Variants in UNC79 observed in about 807,000 individuals in gnomAD.
UNC79 encodes the protein unc-79 subunit of NALCN channel complex, also known as protein unc-79 homolog.
A neutral mutation model predicts 283.1 loss-of-function variants in UNC79; 37 were observed. The observed-to-expected ratio is 0.13, with a 90% CI of 0.10 to 0.17. The LOEUF (loss-of-function observed/expected upper bound fraction) is 0.17. UNC79 is among the 10% of genes least tolerant of loss of function. UNC79 has a pLI of 1.00. For synonymous variants in UNC79, 1,107 were observed against 1,200.2 expected, an observed-to-expected ratio of 0.92 and a Z score of 1.61; for missense variants, 2,272 against 3,211.1, an observed-to-expected ratio of 0.71 and a Z score of 7.07.
intron 7 of UNC79, among the ~76,000 whole-genome samples, chr14:93,497,507 C>G (rs1432594120): frequency 6.6e-6 from 1 of 152,188 alleles, no homozygotes; most frequent in Non-Finnish European, 1.5e-5. Flanking sequence ...AAGTCTCAGT[C>G]CCATTTGCTG....
intron 47 of UNC79, among the ~76,000 whole-genome samples, chr14:93,696,645 C>T (rs929038564): frequency 6.6e-6 from 1 of 151,916 alleles, no homozygotes; most frequent in African/African-American, 2.4e-5. Flanking sequence ...AAATTATTTG[C>T]CCATTTTTTA....
chr14:93,659,059 C>A, intron 38 of UNC79, 134 bp from the exon 42 acceptor site: 1 of 618,030 alleles, frequency 1.6e-6, no homozygotes, highest in Non-Finnish European at 2.7e-6. Flanking sequence ...GATATTATGG[C>A]ATGGGAATCT....
intron 14 of UNC79, among the ~76,000 whole-genome samples, chr14:93,548,698 C>A (rs1001253454): frequency 2.0e-5 from 3 of 152,166 alleles, no homozygotes; most frequent in African/African-American, 7.2e-5. Context: ...CTTTCCTCTT[C>A]CTCATTCAGG....
At chr14:93,503,770 T>A (rs2059407150) in intron 7 of UNC79, among the ~76,000 whole-genome samples, 1 of 150,768 alleles carries the variant, frequency 6.6e-6, no homozygotes, top group Non-Finnish European at 1.5e-5. Flanking sequence ...TAATGTCTTA[T>A]CATTAAATAA....
At chr14:93,373,666 T>C (rs532800409) in intron 1 of UNC79, among the ~76,000 whole-genome samples, 2 of 152,336 alleles carry the variant, frequency 1.3e-5, no homozygotes, top group East Asian at 3.9e-4. Flanking sequence ...AGGTGAATTC[T>C]ACCAAACATT....
chr14:93,539,583 A>G (rs1283474392), intron 12 of UNC79, among the ~76,000 whole-genome samples: 1 of 152,100 alleles, frequency 6.6e-6, no homozygotes, highest in African/African-American at 2.4e-5. Flanking sequence ...ATAGAGGCCA[A>G]GTCTTTTCTG....
At chr14:93,468,300 A>G (rs949867188) in intron 2 of UNC79, among the ~76,000 whole-genome samples, 2 of 152,240 alleles carry the variant, frequency 1.3e-5, no homozygotes, top group African/African-American at 4.8e-5. Context: ...AGGAAAAAAA[A>G]TAGGGCTCTT....
At chr14:93,662,323 G>A (rs1165715959) in intron 39 of UNC79, among the ~76,000 whole-genome samples, 5 of 152,272 alleles carry the variant, frequency 3.3e-5, no homozygotes, top group East Asian at 1.9e-4. Context: ...GGGTGGACAC[G>A]AAGACAGGGT....
chr14:93,596,442 C>G (rs1282283652), intron 23 of UNC79, among the ~76,000 whole-genome samples: 1 of 152,164 alleles, frequency 6.6e-6, no homozygotes, highest in African/African-American at 2.4e-5. Context: ...CGAGACCAGC[C>G]TGGCCAACAT....
chr14:93,563,703 A>G (rs1367899940), intron 14 of UNC79, among the ~76,000 whole-genome samples: 1 of 152,152 alleles, frequency 6.6e-6, no homozygotes, highest in African/African-American at 2.4e-5. Context: ...GGAACAGGAA[A>G]GAAGGAAATA....
At chr14:93,594,966 A>G (rs550129374) in intron 23 of UNC79, among the ~76,000 whole-genome samples, 1 of 152,242 alleles carries the variant, frequency 6.6e-6, no homozygotes, top group East Asian at 1.9e-4. Flanking sequence ...TAATGCCCAC[A>G]GGAATCTCAG....
At chr14:93,602,266 G>A (rs1050867494) in intron 25 of UNC79, among the ~76,000 whole-genome samples, 1 of 152,150 alleles carries the variant, frequency 6.6e-6, no homozygotes, top group Non-Finnish European at 1.5e-5. Context: ...TCCATCTTGA[G>A]TTGATTTTTG....
intron 31 of UNC79, among the ~76,000 whole-genome samples, chr14:93,631,746 T>C (rs2068052197): frequency 6.6e-6 from 1 of 152,222 alleles, no homozygotes; most frequent in African/African-American, 2.4e-5. Context: ...GACTGGTAGT[T>C]TGGAACATCA....
At chr14:93,405,126 C>A (rs1175525401) in intron 1 of UNC79, among the ~76,000 whole-genome samples, 2 of 151,690 alleles carry the variant, frequency 1.3e-5, no homozygotes, top group Non-Finnish European at 2.9e-5. Flanking sequence ...CTACTAAAAG[C>A]ACAAAAATTA....
exon 24 of UNC79, chr14:93,597,486 A>C (rs2065157448): frequency 1.2e-6 from 2 of 1,614,054 alleles, no homozygotes; most frequent in East Asian, 4.5e-5. Flanking sequence ...TCAACCCCGC[A>C]GTGGCTACCA....
chr14:93,445,202 A>G (rs2056428370), intron 1 of UNC79, among the ~76,000 whole-genome samples: 1 of 152,212 alleles, frequency 6.6e-6, no homozygotes, highest in African/African-American at 2.4e-5. Context: ...AAAGAAAAAA[A>G]TATATGTATA....
chr14:93,353,202 A>C (rs1340893552), intron 1 of UNC79, among the ~76,000 whole-genome samples: 3 of 151,908 alleles, frequency 2.0e-5, no homozygotes, highest in Admixed American at 6.6e-5. Context: ...GAACTACTTT[A>C]TTTTTTATTT....
At chr14:93,695,094 T>C (rs2074997247) in intron 47 of UNC79, among the ~76,000 whole-genome samples, 1 of 152,202 alleles carries the variant, frequency 6.6e-6, no homozygotes, top group South Asian at 2.1e-4. Context: ...TCCGTTTATC[T>C]TTCTGCCTCC....
chr14:93,616,335 C>T (rs911919216), intron 27 of UNC79, among the ~76,000 whole-genome samples: 16 of 148,684 alleles, frequency 1.1e-4, no homozygotes, highest in South Asian at 4.3e-4. Flanking sequence ...CTGTATTAGA[C>T]GGTATATGCT....
Sources: allele counts gnomAD v4.1 joint callset (sites outside exome capture counted in the v4.1 genomes callset), GRCh38; gene constraint gnomAD v4.1.1; transcripts MANE v1.5; gene names NCBI Gene and HGNC (gene_info 2026-07-23, HGNC 2026-07-21).